The following PTPRN2 variants were observed in gnomAD, a reference collection of about 807,000 sequenced individuals.
PTPRN2 encodes receptor-type tyrosine-protein phosphatase N2.
A neutral mutation model predicts 118.8 loss-of-function variants in PTPRN2; 74 were observed. The observed-to-expected ratio is 0.62, with a 90% confidence interval of 0.52 to 0.76. The LOEUF is 0.76. Ranked by LOEUF, PTPRN2 falls within the 30% of genes least tolerant of loss-of-function variation. PTPRN2 has a pLI of 0.00. For missense variants in PTPRN2, 1,481 were observed against 1,394.4 expected, an observed-to-expected ratio of 1.06 and a Z score of -0.99; for synonymous variants, 641 against 608.0, an observed-to-expected ratio of 1.05 and a Z score of -0.80.
At chr7:158,294,046 G>A (rs1230741188) in intron 3 of PTPRN2, among the ~76,000 whole-genome samples, 17 of 152,238 alleles carry the variant, frequency 1.1e-4, no homozygotes, top group Non-Finnish European at 2.1e-4. Flanking sequence ...ACCGTGCACA[G>A]CTAGACTAGA....
chr7:158,460,802 A>G (rs969157820), intron 2 of PTPRN2, among the ~76,000 whole-genome samples: 7 of 152,266 alleles, frequency 4.6e-5, no homozygotes. Flanking sequence ...TTGATGCAAG[A>G]AATGTTCCAC....
At chr7:158,376,751 G>C (rs1810558908) in intron 2 of PTPRN2, among the ~76,000 whole-genome samples, 1 of 124,856 alleles carries the variant, frequency 8.0e-6, no homozygotes. Context: ...TCCTGAGAGG[G>C]GGGTCAGGGG....
intron 3 of PTPRN2, among the ~76,000 whole-genome samples, chr7:158,310,409 C>T (rs897543752): frequency 5.9e-5 from 9 of 152,236 alleles, no homozygotes; most frequent in Admixed American, 3.3e-4. Context: ...AACACACTAT[C>T]GGACGGTGGA....
At chr7:157,778,827 C>T (rs1803502742) in intron 12 of PTPRN2, among the ~76,000 whole-genome samples, 1 of 152,192 alleles carries the variant, frequency 6.6e-6, no homozygotes, top group Non-Finnish European at 1.5e-5. Context: ...CGAATGCCCA[C>T]ATAAACATGT....
In PTPRN2 at chr7:157,676,452, C is replaced by G. The variant is rs1280750746; in HGVS notation, c.2001+6273G>C. 6.6e-6 allele frequency among the ~76,000 whole-genome samples: 1 copy of G among 152,214 alleles called. No homozygotes were observed. Among genetic ancestry groups the G allele is most frequent in the Non-Finnish European group, 1.5e-5 (1 of 68,040 alleles). ...CGCCGGTTCACTTTCATTGCAAACT[C>G]CTCATCTCCAAGAAATCATCAACCG... is the stretch of plus-strand genomic sequence containing the variant. On this transcript the variant is annotated intron_variant, in intron 13 of 22. Transcript: ENST00000389418. The surrounding 1 kb of genome is among the most constrained non-coding windows in gnomAD (Gnocchi z 5.6).
chr7:158,144,000 T>A lies in PTPRN2; in HGVS notation c.911-5485A>T, dbSNP rs114310875. 6.5e-3 allele frequency among the ~76,000 whole-genome samples: 985 copies of A among 152,164 alleles called. 5 individuals are homozygous for A. Among genetic ancestry groups the A allele is most frequent in the African/African-American group, 0.021 (878 of 41,536 alleles). The stretch of plus-strand genomic sequence containing the variant: ...CCACCACCTGCCCAGACGACCCCAC[T>A]GCAGCTCCAGAGAAGGTGACGTGGT... On this transcript the variant is annotated intron_variant, in intron 6 of 22. Transcript: ENST00000389418.
rs1805467587 is a variant in PTPRN2, at chr7:158,003,970, G to A, written c.1723+77328C>T. On this transcript the variant is annotated intron_variant, in intron 11 of 22. Transcript: ENST00000389418. The surrounding 1 kb of genome is among the most constrained non-coding windows in gnomAD (Gnocchi z 5.0). ...TCATAGCAGTATAGGAAACGTGTCAGCACCTTGGGAGCCTGGCCAGTGTTT... is the reference window on the plus strand; with the variant it reads ...TCATAGCAGTATAGGAAACGTGTCAACACCTTGGGAGCCTGGCCAGTGTTT... Among the ~76,000 whole-genome samples the A allele has an allele frequency of 6.6e-6, 1 of 152,158 alleles. No homozygotes were observed. The highest frequency in any genetic ancestry group is 1.5e-5 in the Non-Finnish European group (1 of 68,034).
intron 11 of PTPRN2, among the ~76,000 whole-genome samples, chr7:157,915,218 T>C (rs758269889): frequency 6.6e-6 from 1 of 152,220 alleles, no homozygotes; most frequent in Non-Finnish European, 1.5e-5. Context: ...TTCTTGGAAT[T>C]TTACTTGCAG....
chr7:158,011,950 T>C (rs1024186980), intron 11 of PTPRN2, among the ~76,000 whole-genome samples: 2 of 152,226 alleles, frequency 1.3e-5, no homozygotes, highest in African/African-American at 2.4e-5. Context: ...CTTTTTTTGG[T>C]TGAAAAACTA....
At chr7:158,298,976 C>A (rs1800683954) in intron 3 of PTPRN2, among the ~76,000 whole-genome samples, 2 of 152,174 alleles carry the variant, frequency 1.3e-5, no homozygotes, top group Non-Finnish European at 2.9e-5. Flanking sequence ...TGGGAGGGGC[C>A]TTCAGGGAAC....
intron 11 of PTPRN2, among the ~76,000 whole-genome samples, chr7:158,002,787 G>T (rs1271538409): frequency 1.3e-5 from 2 of 152,208 alleles, no homozygotes; most frequent in Non-Finnish European, 2.9e-5. Flanking sequence ...CTGCCTCAAA[G>T]CTCAGCAGGT....
At chr7:158,434,677 A>G (rs11976768) in intron 2 of PTPRN2, among the ~76,000 whole-genome samples, 175 of 152,254 alleles carry the variant, frequency 1.1e-3, no homozygotes, top group African/African-American at 4.0e-3. Context: ...TATATCGACT[A>G]TCTTACCTTG....
At chr7:157,691,013 A>C (rs1797459021) in intron 12 of PTPRN2, among the ~76,000 whole-genome samples, 4 of 124,480 alleles carry the variant, frequency 3.2e-5, no homozygotes, top group African/African-American at 9.3e-5. Context: ...CCCGGCGCGC[A>C]CCCGGCCGGC....
chr7:157,562,751 C>T (rs1031748616), intron 21 of PTPRN2, among the ~76,000 whole-genome samples: 25 of 147,970 alleles, frequency 1.7e-4, no homozygotes, highest in African/African-American at 2.3e-4. Context: ...CACGTGCTCC[C>T]GCGTCACCAC....
intron 11 of PTPRN2, among the ~76,000 whole-genome samples, chr7:157,939,164 T>C (rs1799898243): frequency 6.6e-6 from 1 of 151,556 alleles, no homozygotes; most frequent in African/African-American, 2.4e-5. Flanking sequence ...ATAGCAAGGT[T>C]TCCAGCACGC....
chr7:158,071,120 C>CTCATGTAGGATCTAAATG (rs1811418638), intron 11 of PTPRN2, among the ~76,000 whole-genome samples: 1 of 61,070 alleles, frequency 1.6e-5, no homozygotes, highest in Non-Finnish European at 3.2e-5. Flanking sequence ...GGTGGAGGTG[C>CTCATGTAGGATCTAAATG]CCGTGGTGGT....
chr7:158,514,542 G>C (rs2129447283), intron 1 of PTPRN2, among the ~76,000 whole-genome samples: 1 of 152,258 alleles, frequency 6.6e-6, no homozygotes, highest in African/African-American at 2.4e-5. Context: ...ACACATCCCT[G>C]CACCCCAGGT....
rs190399538 is a variant in PTPRN2 at position 158,545,817 on chromosome 7, G to A, written c.112+41741C>T. Among the ~76,000 whole-genome samples, 69 of 152,246 alleles carry A rather than the reference G, an allele frequency of 4.5e-4. 1 individual carries two copies. Among genetic ancestry groups the A allele is most frequent in the Admixed American group, 3.9e-3 (60 of 15,298 alleles). Reference sequence around the variant, plus strand: ...AGTTCAAGACCGGTCTGGCCAACACGGCAAAACCCTGTCTCTACTCAAAAT... The same window carrying A: ...AGTTCAAGACCGGTCTGGCCAACACAGCAAAACCCTGTCTCTACTCAAAAT... On this transcript the variant is annotated intron_variant, in intron 1 of 22. Transcript: ENST00000389418.
chr7:158,576,021 A>C (rs919246255), intron 1 of PTPRN2, among the ~76,000 whole-genome samples: 7 of 152,118 alleles, frequency 4.6e-5, no homozygotes, highest in South Asian at 2.1e-4. Context: ...AGCAATGAAA[A>C]ACTCATTTAA....
Sources: gnomAD v4.1 joint callset for allele counts (sites outside exome capture counted in the v4.1 genomes callset) on GRCh38, gnomAD v4.1.1 for gene constraint, Gnocchi (gnomAD v3.1) non-coding constraint, MANE v1.5 for transcripts, NCBI Gene and HGNC (gene_info 2026-07-23, HGNC 2026-07-21) for gene names.